Variants in LARGE1 observed in about 807,000 individuals in gnomAD.
The protein encoded by LARGE1 is xylosyl- and glucuronyltransferase LARGE1.
In LARGE1, 43 loss-of-function variants were observed where a neutral mutation model predicts 87.6. The observed-to-expected ratio is 0.49, with a 90% CI of 0.38 to 0.63. LARGE1 has a LOEUF of 0.63. LARGE1 is among the 30% of genes least tolerant of loss of function. The pLI is 0.00. For missense variants in LARGE1, 802 were observed against 1,000.2 expected (o/e 0.80, Z 2.67); for synonymous variants, 434 against 394.6 (o/e 1.10, Z -1.18).
chr22:33,280,901 G>C (rs911698527), intron 13 of LARGE1, among the ~76,000 whole-genome samples: 5 of 152,204 alleles, frequency 3.3e-5, no homozygotes, highest in Non-Finnish European at 7.3e-5. Flanking sequence ...GTCTGGGCTA[G>C]GCTTGAGCCT....
chr22:33,762,182 C>T (rs2084754344), intron 1 of LARGE1, among the ~76,000 whole-genome samples: 1 of 139,382 alleles, frequency 7.2e-6, no homozygotes, highest in African/African-American at 2.7e-5. Context: ...CCACTGCACT[C>T]CAGCCAGGGA....
At chr22:33,436,563 A>G (rs2147776894) in intron 6 of LARGE1, 1 of 154,182 alleles carries the variant, frequency 6.5e-6, no homozygotes, top group East Asian at 1.9e-4. Context: ...ATTTCTTGAC[A>G]CCTTGAGCCG....
chr22:33,802,124 T>C (rs1205926650), intron 1 of LARGE1, among the ~76,000 whole-genome samples: 3 of 151,464 alleles, frequency 2.0e-5, no homozygotes, highest in East Asian at 1.9e-4. Flanking sequence ...TGAACACAGG[T>C]ATCATGCCAA....
chr22:33,746,901 C>T (rs1037512138), intron 2 of LARGE1, among the ~76,000 whole-genome samples: 14 of 152,152 alleles, frequency 9.2e-5, no homozygotes, highest in Non-Finnish European at 1.9e-4. Context: ...CCAGGTCAAA[C>T]TTCTCAAGTG....
the LARGE1 span, among the ~76,000 whole-genome samples, chr22:33,077,761 C>A: frequency 2.6e-5 from 4 of 152,180 alleles, no homozygotes; most frequent in Non-Finnish European, 4.4e-5. Flanking sequence ...GGTTTACTGT[C>A]TTCACCTCTA....
rs200961674 is a variant in LARGE1, at chr22:33,514,700, CTACGTGTA to C, written c.787+50140_787+50147del. On this transcript the variant is annotated intron_variant, in intron 6 of 14. Coordinates refer to ENST00000397394, the MANE Select transcript of LARGE1 (RefSeq NM_133642.5). The stretch of plus-strand genomic sequence containing the variant: ...GGCCCCTACGGATATGAAGGGACAA[CTACGTGTA>C]TATATATATCATATAGCCTTCTTTT... Among the ~76,000 whole-genome samples the C allele has an allele frequency of 1.6e-4, 24 of 152,262 alleles. No individual in the cohort carries two copies. In the East Asian group the frequency reaches 2.1e-3, roughly 13 times the overall value.
intron 11 of LARGE1, among the ~76,000 whole-genome samples, chr22:33,263,509 T>G (rs749451780): frequency 6.6e-6 from 1 of 152,202 alleles, no homozygotes; most frequent in African/African-American, 2.4e-5. Context: ...TCAATAGCCA[T>G]GTAGAGAGCA....
chr22:33,178,571 C>T (rs1025150275), intron 11 of LARGE1, among the ~76,000 whole-genome samples: 4 of 152,162 alleles, frequency 2.6e-5, no homozygotes, highest in Non-Finnish European at 5.9e-5. Context: ...AAAATGAATT[C>T]TTCAAACTAT....
chr22:33,352,987 C>T (rs1601558067), intron 9 of LARGE1, among the ~76,000 whole-genome samples: 1 of 152,164 alleles, frequency 6.6e-6, no homozygotes, highest in African/African-American at 2.4e-5. Context: ...CACTTCTGTT[C>T]CCAGTATAAG....
rs2082477772 is a variant in LARGE1 at position 33,703,927 on chromosome 22, G to A, written c.107-53259C>T. ...AAGGTGTGTCTTCCAGAATGTTAAG[G>A]AAGAACATCAGAAAAATGAATTAGA... On this transcript the variant is annotated intron_variant, in intron 2 of 14. Coordinates refer to ENST00000397394, the MANE Select transcript of LARGE1 (RefSeq NM_133642.5). Among the ~76,000 whole-genome samples the A allele has an allele frequency of 2.0e-5, 3 of 152,184 alleles. 1 individual carries two copies. The highest frequency in any genetic ancestry group is 1.3e-4 in the Admixed American group (2 of 15,278).
At chr22:33,563,557 G>A (rs1276775363) in intron 6 of LARGE1, among the ~76,000 whole-genome samples, 1 of 152,176 alleles carries the variant, frequency 6.6e-6, no homozygotes, top group Admixed American at 6.5e-5. Flanking sequence ...AAACAGACAC[G>A]ATAGGGGAAC....
intron 9 of LARGE1, among the ~76,000 whole-genome samples, chr22:33,379,302 T>C (rs1305229586): frequency 1.3e-5 from 2 of 151,802 alleles, no homozygotes; most frequent in African/African-American, 4.8e-5. Context: ...CTAGGGTACA[T>C]GTGCACAACG....
At chr22:33,166,755 G>A (rs919460945) in exon 12 of LARGE1, 7 of 471,278 alleles carry the variant, frequency 1.5e-5, no homozygotes, top group South Asian at 9.3e-5. Context: ...AGCCAACGCC[G>A]AGGACAATTA....
chr22:33,859,652 T>C (rs1280218022), intron 1 of LARGE1, among the ~76,000 whole-genome samples: 2 of 152,150 alleles, frequency 1.3e-5, no homozygotes, highest in South Asian at 2.1e-4. Context: ...CCAGGTATGT[T>C]TTCTTGGTCT....
chr22:33,589,576 T>C (rs1429902560), intron 5 of LARGE1, among the ~76,000 whole-genome samples: 1 of 152,188 alleles, frequency 6.6e-6, no homozygotes, highest in African/African-American at 2.4e-5. Flanking sequence ...CTTCACAGAA[T>C]TCTGCTGTGA....
intron 6 of LARGE1, among the ~76,000 whole-genome samples, chr22:33,520,434 C>G (rs1458274719): frequency 6.6e-6 from 1 of 152,174 alleles, no homozygotes; most frequent in African/African-American, 2.4e-5. Flanking sequence ...TTCTCCAAAT[C>G]CCACAATCCC....
At chr22:33,341,710 G>A (rs1183406836) in intron 9 of LARGE1, among the ~76,000 whole-genome samples, 2 of 152,178 alleles carry the variant, frequency 1.3e-5, no homozygotes, top group African/African-American at 4.8e-5. Flanking sequence ...GCCGAGGTCT[G>A]AATTCCAGCT....
At chr22:33,555,568 A>G (rs2077651005) in intron 6 of LARGE1, among the ~76,000 whole-genome samples, 1 of 152,120 alleles carries the variant, frequency 6.6e-6, no homozygotes, top group African/African-American at 2.4e-5. Context: ...CTGGAGGAGC[A>G]GCATTCCAGG....
chr22:33,678,823 TC>T (rs553386355), intron 2 of LARGE1, among the ~76,000 whole-genome samples: 116 of 152,294 alleles, frequency 7.6e-4, no homozygotes, highest in African/African-American at 2.6e-3. Flanking sequence ...CATGCGATGG[TC>T]AAGACACTGT....
Sources: gnomAD v4.1 joint callset for allele counts (sites outside exome capture counted in the v4.1 genomes callset) on GRCh38, gnomAD v4.1.1 for gene constraint, MANE v1.5 for transcripts, NCBI Gene and HGNC (gene_info 2026-07-23, HGNC 2026-07-21) for gene names.